Variants in GLIS3 observed in about 807,000 individuals in gnomAD.
The protein encoded by GLIS3 is zinc finger protein GLIS3.
GLIS3 carries 53 observed loss-of-function variants against 78.6 expected under a neutral mutation model. The observed-to-expected ratio is 0.67, with a 90% CI of 0.54 to 0.85. The LOEUF (loss-of-function observed/expected upper bound fraction) is 0.85. Among genes scored for constraint, GLIS3 ranks in the 40% least tolerant of loss-of-function variants. The pLI is 0.00. For synonymous variants in GLIS3, 684 were observed against 509.9 expected (o/e 1.34, Z -4.60); for missense variants, 1,703 against 1,231.1 (o/e 1.38, Z -5.74).
chr9:3,940,465 TCACTGC>T (rs1299606528), intron 4 of GLIS3, among the ~76,000 whole-genome samples: 1 of 152,152 alleles, frequency 6.6e-6, no homozygotes, highest in East Asian at 1.9e-4. Context: ...AATGCTTGTG[TCACTGC>T]CACTGGACAA....
intron 4 of GLIS3, among the ~76,000 whole-genome samples, chr9:4,107,935 T>C (rs1830898185): frequency 6.6e-6 from 1 of 152,176 alleles, no homozygotes; most frequent in Non-Finnish European, 1.5e-5. Context: ...GTATCCATCA[T>C]CTAGCTTCAA....
intron 2 of GLIS3, among the ~76,000 whole-genome samples, chr9:4,149,422 T>C (rs1834494697): frequency 6.6e-6 from 1 of 152,116 alleles, no homozygotes; most frequent in Admixed American, 6.5e-5. Context: ...CCCTTAACCA[T>C]CACCTCCCAC....
At chr9:3,842,565 A>G (rs1818789704) in intron 9 of GLIS3, among the ~76,000 whole-genome samples, 1 of 152,110 alleles carries the variant, frequency 6.6e-6, no homozygotes, top group Non-Finnish European at 1.5e-5. Context: ...GTTATCTCCG[A>G]CTGGGGAGCC....
intron 4 of GLIS3, among the ~76,000 whole-genome samples, chr9:4,010,261 CAT>C (rs1280434217): frequency 6.6e-6 from 1 of 152,192 alleles, no homozygotes; most frequent in Non-Finnish European, 1.5e-5. Flanking sequence ...ACTTACTAGA[CAT>C]ATAACCTTGG....
chr9:4,423,351 G>C, the GLIS3 span, among the ~76,000 whole-genome samples: 2 of 152,098 alleles, frequency 1.3e-5, no homozygotes, highest in African/African-American at 4.8e-5. Context: ...CTTAGTCTTA[G>C]CTCCCAAGGC....
intron 4 of GLIS3, among the ~76,000 whole-genome samples, chr9:4,099,377 C>T (rs542792561): frequency 1.2e-4 from 19 of 152,136 alleles, no homozygotes; most frequent in Non-Finnish European, 2.6e-4. Context: ...CTTGCAGATG[C>T]GTCACTCCAA....
intron 4 of GLIS3, among the ~76,000 whole-genome samples, chr9:4,094,656 T>A (rs1284991858): frequency 1.3e-5 from 2 of 152,198 alleles, no homozygotes; most frequent in African/African-American, 4.8e-5. Context: ...AATACTCTCA[T>A]TTCTCAACTA....
intron 6 of GLIS3, among the ~76,000 whole-genome samples, chr9:3,932,017 G>C (rs1284207397): frequency 6.6e-6 from 1 of 152,098 alleles, no homozygotes; most frequent in Non-Finnish European, 1.5e-5. Flanking sequence ...ATTATCTTTA[G>C]CTATCTGAAC....
intron 8 of GLIS3, among the ~76,000 whole-genome samples, chr9:3,861,406 G>A (rs1013393402): frequency 6.6e-6 from 1 of 151,954 alleles, no homozygotes; most frequent in East Asian, 1.9e-4. Flanking sequence ...ATCCCATTAT[G>A]TACCCAAATC....
At chr9:4,266,159 C>G (rs1825986016) in intron 2 of GLIS3, among the ~76,000 whole-genome samples, 1 of 151,740 alleles carries the variant, frequency 6.6e-6, no homozygotes, top group South Asian at 2.1e-4. Flanking sequence ...ACCTCATGAT[C>G]CGCCTGCCTC....
At chr9:4,192,743 G>A (rs1160766962) in intron 2 of GLIS3, among the ~76,000 whole-genome samples, 5 of 151,476 alleles carry the variant, frequency 3.3e-5, no homozygotes, top group Non-Finnish European at 5.9e-5. Flanking sequence ...AGACATGGTT[G>A]TTCCGTGTCT....
At chr9:4,407,819 G>A in the GLIS3 span, among the ~76,000 whole-genome samples, 944 of 152,194 alleles carry the variant, frequency 6.2e-3, 12 homozygotes, top group African/African-American at 0.022. Context: ...TCAACAAAGT[G>A]AAGAGGCAAC....
chr9:4,066,889 G>T (rs1008250645), intron 4 of GLIS3, among the ~76,000 whole-genome samples: 1 of 152,164 alleles, frequency 6.6e-6, no homozygotes, highest in African/African-American at 2.4e-5. Flanking sequence ...ACCCCAGCGG[G>T]CATCTTTCCG....
At chr9:4,094,410 T>C (rs542572136) in intron 4 of GLIS3, among the ~76,000 whole-genome samples, 1 of 152,320 alleles carries the variant, frequency 6.6e-6, no homozygotes, top group Admixed American at 6.5e-5. Flanking sequence ...TTTTTTACTC[T>C]AAATAAAATA....
At chr9:4,221,261 G>C (rs1256428040) in intron 2 of GLIS3, among the ~76,000 whole-genome samples, 1 of 152,082 alleles carries the variant, frequency 6.6e-6, no homozygotes, top group East Asian at 1.9e-4. Context: ...AAAATTCAGG[G>C]AATCTGGGTG....
intron 6 of GLIS3, among the ~76,000 whole-genome samples, chr9:3,914,564 G>A (rs996010594): frequency 3.3e-5 from 5 of 152,088 alleles, no homozygotes; most frequent in Non-Finnish European, 7.4e-5. Flanking sequence ...ATATGTAAAT[G>A]AGCAATCCTT....
At chr9:4,486,519 A>C in the GLIS3 span, among the ~76,000 whole-genome samples, 1 of 152,182 alleles carries the variant, frequency 6.6e-6, no homozygotes, top group South Asian at 2.1e-4. Flanking sequence ...TCTTTCTGTA[A>C]CCTCCAGATA....
chr9:4,460,873 G>A, the GLIS3 span, among the ~76,000 whole-genome samples: 2 of 152,108 alleles, frequency 1.3e-5, no homozygotes, highest in African/African-American at 4.8e-5. Flanking sequence ...CGCCAAATGA[G>A]CCCAATTACT....
the GLIS3 span, among the ~76,000 whole-genome samples, chr9:4,444,996 A>T: frequency 6.6e-6 from 1 of 152,188 alleles, no homozygotes; most frequent in Non-Finnish European, 1.5e-5. Flanking sequence ...TTGCCCTTGG[A>T]GTTACATCTC....
Sources: gnomAD v4.1 joint callset for allele counts (sites outside exome capture counted in the v4.1 genomes callset) on GRCh38, gnomAD v4.1.1 for gene constraint, MANE v1.5 for transcripts, NCBI Gene and HGNC (gene_info 2026-07-23, HGNC 2026-07-21) for gene names.